SLC9D1: variants seen among roughly 807,000 people sequenced by gnomAD.
The protein encoded by SLC9D1 is solute carrier family 9 member D1, also known as putative LAG1-interacting protein.
the SLC9D1 span, among the ~76,000 whole-genome samples, chr13:113,517,747 A>G: frequency 1.3e-5 from 2 of 152,214 alleles, no homozygotes; most frequent in East Asian, 1.9e-4. Flanking sequence ...AGGTGTTAAC[A>G]TTAAGTAGAA....
At chr13:113,548,029 C>T in the SLC9D1 span, among the ~76,000 whole-genome samples, 9 of 3,186 alleles carry the variant, frequency 2.8e-3, no homozygotes, top group African/African-American at 0.011. Context: ...TTGGTTGGGG[C>T]GGGGGCGGGG....
the SLC9D1 span, chr13:113,527,180 T>A: frequency 6.6e-6 from 1 of 152,256 alleles, no homozygotes. Flanking sequence ...GGTGTTGTAA[T>A]GTTTACTGCA....
chr13:113,537,373 G>A, the SLC9D1 span, among the ~76,000 whole-genome samples: 1 of 152,204 alleles, frequency 6.6e-6, no homozygotes, highest in Non-Finnish European at 1.5e-5. Context: ...GGCCCCGTGG[G>A]CCGCTGCTTC....
chr13:113,508,502 G>A, the SLC9D1 span, among the ~76,000 whole-genome samples: 1 of 152,248 alleles, frequency 6.6e-6, no homozygotes, highest in Non-Finnish European at 1.5e-5. Flanking sequence ...CCAAGCATAG[G>A]AAGTAGAGAA....
At chr13:113,530,831 T>C in the SLC9D1 span, among the ~76,000 whole-genome samples, 1 of 152,288 alleles carries the variant, frequency 6.6e-6, no homozygotes, top group East Asian at 1.9e-4. Flanking sequence ...AAGAAAAATA[T>C]GAATAACTGA....
At chr13:113,499,915 G>C in the SLC9D1 span, 1 of 1,243,806 alleles carries the variant, frequency 8.0e-7, no homozygotes, top group Non-Finnish European at 1.1e-6. Context: ...AAAATTGAAA[G>C]CATTTAATGG....
At chr13:113,522,838 G>A in the SLC9D1 span, among the ~76,000 whole-genome samples, 2 of 151,714 alleles carry the variant, frequency 1.3e-5, no homozygotes, top group Non-Finnish European at 2.9e-5. Flanking sequence ...CACCTTATTG[G>A]CCAGGCTGGT....
chr13:113,501,319 A>G, the SLC9D1 span, among the ~76,000 whole-genome samples: 1 of 152,252 alleles, frequency 6.6e-6, no homozygotes, highest in Non-Finnish European at 1.5e-5. Context: ...TACAATAAAA[A>G]TACAAATAAA....
chr13:113,545,733 G>A, the SLC9D1 span: 1 of 153,136 alleles, frequency 6.5e-6, no homozygotes, highest in African/African-American at 2.4e-5. Flanking sequence ...TGCAGCCCAG[G>A]GTTGGGTGGG....
chr13:113,500,655 G>C, the SLC9D1 span, among the ~76,000 whole-genome samples: 1 of 152,186 alleles, frequency 6.6e-6, no homozygotes, highest in Non-Finnish European at 1.5e-5. Flanking sequence ...GAGCATCATG[G>C]TTCGGGTGGT....
the SLC9D1 span, among the ~76,000 whole-genome samples, chr13:113,519,600 G>C: frequency 6.6e-6 from 1 of 152,216 alleles, no homozygotes; most frequent in Non-Finnish European, 1.5e-5. Flanking sequence ...GCCGGTGTTT[G>C]TCTGCCGGGC....
chr13:113,492,894 G>A, the SLC9D1 span, among the ~76,000 whole-genome samples: 5 of 152,040 alleles, frequency 3.3e-5, no homozygotes, highest in Admixed American at 1.3e-4. Flanking sequence ...GCAAAACTCC[G>A]TCTCAAACAG....
At chr13:113,493,147 C>G in the SLC9D1 span, among the ~76,000 whole-genome samples, 2 of 152,138 alleles carry the variant, frequency 1.3e-5, no homozygotes, top group Non-Finnish European at 2.9e-5. Context: ...TTTAGTATAA[C>G]TACAACTAAA....
At chr13:113,539,414 G>T in the SLC9D1 span, 17 of 1,613,376 alleles carry the variant, frequency 1.1e-5, no homozygotes, top group African/African-American at 2.1e-4. This position sits in a 1 kb window ranked among gnomAD's most constrained non-coding sequence, Gnocchi z 4.8. Context: ...TGGAGCGCTC[G>T]TCTCCTCTCA....
At chr13:113,513,374 G>A in the SLC9D1 span, among the ~76,000 whole-genome samples, 4 of 149,884 alleles carry the variant, frequency 2.7e-5, no homozygotes, top group African/African-American at 1.0e-4. Flanking sequence ...AGAGCTGGGC[G>A]TGGAAGCAGC....
chr13:113,540,618 A>G, the SLC9D1 span, among the ~76,000 whole-genome samples: 5,850 of 152,176 alleles, frequency 0.038, 303 homozygotes, highest in African/African-American at 0.12. Context: ...TAAGTTCCTG[A>G]TAGATTATAG....
At chr13:113,503,379 G>A in the SLC9D1 span, 9 of 631,596 alleles carry the variant, frequency 1.4e-5, no homozygotes, top group South Asian at 3.8e-5. Flanking sequence ...GTGTGTGTGT[G>A]TGTGTATGTG....
chr13:113,520,449 A>C, the SLC9D1 span: 22 of 493,256 alleles, frequency 4.5e-5, no homozygotes, highest in Non-Finnish European at 6.9e-5. Flanking sequence ...GAGCCACTGC[A>C]CTCCAGCCTG....
At chr13:113,538,377 G>A in the SLC9D1 span, among the ~76,000 whole-genome samples, 3 of 152,190 alleles carry the variant, frequency 2.0e-5, no homozygotes, top group South Asian at 4.1e-4. Flanking sequence ...CTTGATCTCC[G>A]TGTTTGGGTC....
Sources: allele counts gnomAD v4.1 joint callset (sites outside exome capture counted in the v4.1 genomes callset), GRCh38; gene constraint gnomAD v4.1.1; non-coding constraint Gnocchi (gnomAD v3.1); transcripts MANE v1.5; gene names NCBI Gene and HGNC (gene_info 2026-07-23, HGNC 2026-07-21).